MAOA: variants seen among roughly 807,000 people sequenced by gnomAD.
MAOA encodes amine oxidase [flavin-containing] A.
A neutral mutation model predicts 42.0 loss-of-function variants in MAOA; 6 were observed. That is an observed-to-expected ratio of 0.14 (90% CI 0.08 to 0.28). The LOEUF (loss-of-function observed/expected upper bound fraction) is 0.28. Among genes scored for constraint, MAOA ranks in the 10% least tolerant of loss-of-function variants. The pLI is 1.00. For synonymous variants in MAOA, 140 were observed against 154.0 expected, an observed-to-expected ratio of 0.91 and a Z score of 0.67; for missense variants, 262 against 422.3, an observed-to-expected ratio of 0.62 and a Z score of 3.33.
At chrX:43,678,880 A>G (rs2033421367) in intron 1 of MAOA, among the ~76,000 whole-genome samples, 1 of 112,044 alleles carries the variant, frequency 8.9e-6, no homozygotes, top group Non-Finnish European at 1.9e-5. Flanking sequence ...TTCATGTTGT[A>G]TATATTTTAA....
intron 5 of MAOA, among the ~76,000 whole-genome samples, chrX:43,715,871 G>C (rs747744151): frequency 9.0e-6 from 1 of 110,839 alleles, no homozygotes; most frequent in African/African-American, 3.3e-5. Flanking sequence ...GAGAAGGGTA[G>C]ATGTTTTGTG....
rs181221738 is a variant in MAOA, at chrX:43,685,199, A to G, written c.168+1592A>G. ...CCAGCCCTGCTCTGATATTCTTTGC[A>G]TGTAGGTTTATTGTCTTGTGGTAAC... On this transcript the variant is annotated intron_variant, in intron 2 of 14. Coordinates refer to ENST00000338702, the MANE Select transcript of MAOA (RefSeq NM_000240.4). 1.4e-3 allele frequency among the ~76,000 whole-genome samples: 155 copies of G among 111,276 alleles called. 2 individuals are homozygous for G. Among genetic ancestry groups the G allele is most frequent in the Non-Finnish European group, 3.0e-4 (16 of 53,031 alleles).
chrX:43,711,140 G>C (rs1034295420), intron 3 of MAOA, among the ~76,000 whole-genome samples: 6 of 111,265 alleles, frequency 5.4e-5, no homozygotes, highest in Non-Finnish European at 3.8e-5. Context: ...CAGGAGCTGG[G>C]GGTAGGGGTG....
At chrX:43,689,820 T>C (rs1465291970) in intron 2 of MAOA, among the ~76,000 whole-genome samples, 4 of 111,481 alleles carry the variant, frequency 3.6e-5, no homozygotes, top group Non-Finnish European at 7.5e-5. Context: ...CTCTGTACAC[T>C]TGTCAGCTTG....
intron 5 of MAOA, among the ~76,000 whole-genome samples, chrX:43,723,063 C>A (rs1446482195): frequency 9.0e-6 from 1 of 111,393 alleles, no homozygotes; most frequent in East Asian, 2.8e-4. Context: ...GTTTTGGTAC[C>A]AGTACCATGC....
chrX:43,737,172 A>G (rs1264849202), intron 10 of MAOA, among the ~76,000 whole-genome samples: 1 of 110,832 alleles, frequency 9.0e-6, no homozygotes, highest in East Asian at 2.9e-4. Flanking sequence ...TTCAATTAGC[A>G]GGTTCTTCTC....
rs182581702 is a variant in MAOA, at chrX:43,715,456, G to C, written c.503+2660G>C. 8.0e-3 allele frequency among the ~76,000 whole-genome samples: 884 copies of C among 110,830 alleles called. 10 individuals carry two copies. The highest frequency in any genetic ancestry group is 0.028 in the African/African-American group (850 of 30,398). ...CTTCCTGGAGTAACCCAAAGGGTCA[G>C]GGGTGAGACAGCAAGGGTGGATATT... On this transcript the variant is annotated intron_variant, in intron 5 of 14. Transcript: ENST00000338702.
chrX:43,671,347 T>C (rs1226924914), intron 1 of MAOA, among the ~76,000 whole-genome samples: 6 of 111,098 alleles, frequency 5.4e-5, no homozygotes, highest in African/African-American at 2.0e-4. Context: ...CATTAGCCCT[T>C]TGTCAGATGA....
chrX:43,712,482 A>G (rs1206569654), intron 4 of MAOA, among the ~76,000 whole-genome samples: 2 of 111,782 alleles, frequency 1.8e-5, no homozygotes, highest in African/African-American at 6.5e-5. Context: ...TTGTACATAG[A>G]CATATATAAT....
intron 1 of MAOA, among the ~76,000 whole-genome samples, chrX:43,677,702 C>T (rs1448994877): frequency 9.0e-6 from 1 of 111,675 alleles, no homozygotes; most frequent in Non-Finnish European, 1.9e-5. Context: ...CAAGTTTTTG[C>T]ATTTTGAAAT....
At chrX:43,738,593 G>A (rs1343903749) in intron 10 of MAOA, among the ~76,000 whole-genome samples, 1 of 111,407 alleles carries the variant, frequency 9.0e-6, no homozygotes, top group African/African-American at 3.3e-5. Context: ...GGCTGAGGCA[G>A]GCAGACTGCT....
intron 3 of MAOA, among the ~76,000 whole-genome samples, chrX:43,707,415 A>T (rs776619819): frequency 1.8e-5 from 2 of 111,881 alleles, no homozygotes; most frequent in East Asian, 5.6e-4. Context: ...ATATGAAGGC[A>T]ATGGGGGCAT....
At chrX:43,683,657 A>C in intron 2 of MAOA, 50 bp downstream of exon 2, 1 of 1,004,990 alleles carries the variant, frequency 1.0e-6, no homozygotes, top group Non-Finnish European at 1.4e-6. Flanking sequence ...CTCAAACTAC[A>C]AGTGGCACCA....
intron 5 of MAOA, among the ~76,000 whole-genome samples, chrX:43,720,037 A>G (rs1444802588): frequency 9.1e-6 from 1 of 110,356 alleles, no homozygotes; most frequent in East Asian, 2.9e-4. Flanking sequence ...CAGGAACGTG[A>G]CACAGGCACT....
intron 3 of MAOA, among the ~76,000 whole-genome samples, chrX:43,709,049 A>T (rs1369010552): frequency 9.0e-6 from 1 of 110,512 alleles, no homozygotes; most frequent in Non-Finnish European, 1.9e-5. Context: ...TTTTAAGTAG[A>T]GACAGGGTTT....
intron 5 of MAOA, among the ~76,000 whole-genome samples, chrX:43,718,634 C>T (rs903751163): frequency 7.3e-5 from 8 of 109,158 alleles, no homozygotes; most frequent in African/African-American, 2.4e-4. Flanking sequence ...GGGATGTTGG[C>T]TGGCATGGTA....
intron 8 of MAOA, among the ~76,000 whole-genome samples, chrX:43,732,061 G>T (rs2033886478): frequency 9.0e-6 from 1 of 111,616 alleles, no homozygotes; most frequent in Non-Finnish European, 1.9e-5. Flanking sequence ...GGAAGAAGGA[G>T]ATCACATCAG....
intron 5 of MAOA, among the ~76,000 whole-genome samples, chrX:43,720,574 G>T (rs1317171992): frequency 1.8e-5 from 2 of 110,511 alleles, no homozygotes; most frequent in African/African-American, 3.3e-5. Flanking sequence ...CATTATGATT[G>T]GATAGTGTTG....
chrX:43,676,233 T>C (rs917851790), intron 1 of MAOA, among the ~76,000 whole-genome samples: 1 of 111,930 alleles, frequency 8.9e-6, no homozygotes, highest in Non-Finnish European at 1.9e-5. Flanking sequence ...GCCATGGGCG[T>C]AGGACCCTCT....
Sources: allele counts gnomAD v4.1 joint callset (sites outside exome capture counted in the v4.1 genomes callset), GRCh38; gene constraint gnomAD v4.1.1; transcripts MANE v1.5; gene names NCBI Gene and HGNC (gene_info 2026-07-23, HGNC 2026-07-21).